FER: variants seen among roughly 807,000 people sequenced by gnomAD.
FER encodes the protein FER tyrosine kinase.
Under a neutral mutation model 111.0 loss-of-function variants are expected in FER, and 63 were observed. The ratio of observed to expected loss-of-function variants is 0.57; its 90% CI spans 0.46 to 0.70. The LOEUF is 0.70. FER is among the 30% of genes least tolerant of loss of function. The probability of loss-of-function intolerance (pLI) is 0.00; values close to 1 mark genes in which losing one functional copy is unlikely to be tolerated. For synonymous variants in FER, 327 were observed against 313.9 expected, an observed-to-expected ratio of 1.04 and a Z score of -0.44; for missense variants, 914 against 954.0, an observed-to-expected ratio of 0.96 and a Z score of 0.55.
chr5:109,051,284 A>T (rs2416195), intron 16 of FER: 440,346 of 1,377,546 alleles, frequency 0.32, 74,428 homozygotes, highest in African/African-American at 0.54. Flanking sequence ...CACAAGTGAG[A>T]GGAATCTTGA....
chr5:109,143,723 T>TTTTG (rs370029817), intron 17 of FER, among the ~76,000 whole-genome samples: 34,799 of 151,372 alleles, frequency 0.23, 4,178 homozygotes, highest in Non-Finnish European at 0.25. Flanking sequence ...GTTTTGTTTT[T>TTTTG]TTTTGAAAGT....
chr5:108,846,582 T>G (rs1762048409), intron 5 of FER, among the ~76,000 whole-genome samples: 1 of 152,026 alleles, frequency 6.6e-6, no homozygotes, highest in Non-Finnish European at 1.5e-5. Context: ...TTTATTTATA[T>G]ATTTTTTATT....
rs567229204 is a variant in FER, at chr5:109,072,194, T to A, written c.1924+24996T>A. On this transcript the variant is annotated intron_variant, in intron 16 of 19. Coordinates refer to ENST00000281092, the MANE Select transcript of FER (RefSeq NM_005246.4). ...TCTGCTTTCAGGCAGGCTTGATTTT[T>A]TTCTGTGCTACCTGAGTGCAATTAA... is the stretch of plus-strand genomic sequence containing the variant. Among the ~76,000 whole-genome samples, 7 of 151,830 alleles carry A rather than the reference T, an allele frequency of 4.6e-5. No homozygotes were observed. The South Asian group carries it at 1.5e-3, about 32-fold the overall frequency.
chr5:109,138,349 A>G (rs889176307), intron 17 of FER, among the ~76,000 whole-genome samples: 3 of 152,160 alleles, frequency 2.0e-5, no homozygotes, highest in Non-Finnish European at 2.9e-5. Context: ...ATGTTAGTCA[A>G]AGGACACAAA....
rs78782357 is a variant in FER, at chr5:109,019,156, G to A, written c.1657-18266G>A. On this transcript the variant is annotated intron_variant, in intron 13 of 19. Coordinates refer to ENST00000281092, the MANE Select transcript of FER (RefSeq NM_005246.4). The stretch of plus-strand genomic sequence containing the variant: ...CACATTTGATTAGATTTTGGTTTTG[G>A]ATTAAGAGATGGGCTCCAGTGTATG... 9.2e-3 allele frequency among the ~76,000 whole-genome samples: 1,401 copies of A among 151,630 alleles called. 21 individuals carry two copies. The highest frequency in any genetic ancestry group is 0.013 in the Non-Finnish European group (887 of 67,740).
At chr5:108,971,644 A>T (rs1013800395) in intron 13 of FER, among the ~76,000 whole-genome samples, 1 of 152,168 alleles carries the variant, frequency 6.6e-6, no homozygotes, top group Non-Finnish European at 1.5e-5. Flanking sequence ...CTTTAAATGT[A>T]GCCAAGGTTA....
intron 16 of FER, among the ~76,000 whole-genome samples, chr5:109,068,089 C>T (rs985857628): frequency 1.3e-5 from 2 of 149,324 alleles, no homozygotes; most frequent in Non-Finnish European, 2.9e-5. Flanking sequence ...CCAGAATACT[C>T]GATTATGGAG....
chr5:109,079,305 A>C (rs1332248010), intron 16 of FER, among the ~76,000 whole-genome samples: 1 of 152,080 alleles, frequency 6.6e-6, no homozygotes, highest in Admixed American at 6.6e-5. Context: ...GGTGGAGAAA[A>C]AACTTTCACA....
intron 1 of FER, among the ~76,000 whole-genome samples, chr5:108,750,756 CTA>C (rs1338305438): frequency 3.3e-5 from 5 of 152,330 alleles, no homozygotes; most frequent in African/African-American, 1.2e-4. Context: ...TTTTTCTCAA[CTA>C]TTTTACTATG....
In FER at chr5:109,188,901, A is replaced by G. The variant is rs535918148; in HGVS notation, c.*1326A>G. 4 of 151,228 alleles carry G rather than the reference A, an allele frequency of 2.6e-5. No homozygotes were observed. The highest frequency in any genetic ancestry group is 9.7e-5 in the African/African-American group (4 of 41,188). 9.4% of individuals were successfully genotyped at this position (151,228 alleles called of 1,614,324 possible). Reference sequence around the variant, plus strand: ...ATGATTCTAGTTCACCAACACATTCACGTGTGTACATGCGCGTGCACACAC... The same window carrying G: ...ATGATTCTAGTTCACCAACACATTCGCGTGTGTACATGCGCGTGCACACAC... On this transcript the variant is annotated 3_prime_UTR_variant, in exon 20 of 20. Transcript: ENST00000281092.
intron 9 of FER, among the ~76,000 whole-genome samples, chr5:108,886,109 C>A (rs1241287521): frequency 3.3e-5 from 5 of 151,766 alleles, no homozygotes; most frequent in African/African-American, 1.2e-4. Flanking sequence ...AAGTGCTAAC[C>A]ATTTCACCAG....
chr5:108,898,363 T>C (rs1490393442), intron 10 of FER, among the ~76,000 whole-genome samples: 2 of 152,124 alleles, frequency 1.3e-5, no homozygotes, highest in South Asian at 2.1e-4. Flanking sequence ...TATTTCATAG[T>C]TTTATTAACT....
At chr5:109,052,001 G>T (rs201683012) in intron 16 of FER, 45 of 1,583,200 alleles carry the variant, frequency 2.8e-5, no homozygotes, top group Non-Finnish European at 3.6e-5. Flanking sequence ...ATGTAGGTTC[G>T]CAGCAACCCC....
chr5:108,831,008 T>C (rs1580765723), intron 3 of FER, among the ~76,000 whole-genome samples: 1 of 151,934 alleles, frequency 6.6e-6, no homozygotes, highest in Admixed American at 6.6e-5. Context: ...GTTGACAGAG[T>C]GGCAATATAT....
intron 8 of FER, among the ~76,000 whole-genome samples, chr5:108,881,535 A>G (rs1191356984): frequency 2.0e-5 from 3 of 152,134 alleles, no homozygotes; most frequent in Non-Finnish European, 4.4e-5. Context: ...GACACAGCCA[A>G]ACCATATCAG....
rs752121970 is a variant in FER, at chr5:108,754,658, A to G, written c.-206+6658A>G. Among the ~76,000 whole-genome samples, 46 of 152,316 alleles carry G rather than the reference A, an allele frequency of 3.0e-4. 2 individuals are homozygous for G. The Middle Eastern group carries it at 0.01, about 34-fold the overall frequency. On this transcript the variant is annotated intron_variant, in intron 1 of 19. Coordinates refer to ENST00000281092, the MANE Select transcript of FER (RefSeq NM_005246.4). Reference sequence around the variant, plus strand: ...GAACATGTAAAAATATTTAGGTAACAGTACCTCAGTCTGTATTGTGACTGG... The same window carrying G: ...GAACATGTAAAAATATTTAGGTAACGGTACCTCAGTCTGTATTGTGACTGG...
At chr5:108,799,358 C>T (rs1010194642) in intron 3 of FER, among the ~76,000 whole-genome samples, 5 of 152,108 alleles carry the variant, frequency 3.3e-5, no homozygotes, top group African/African-American at 1.2e-4. Flanking sequence ...AAAAATTAAT[C>T]TTCTTTCACT....
At chr5:108,752,594 A>G (rs529553032) in intron 1 of FER, among the ~76,000 whole-genome samples, 200 of 152,188 alleles carry the variant, frequency 1.3e-3, no homozygotes, top group African/African-American at 4.3e-3. Context: ...TTCTGTAAGT[A>G]TAAATATTTT....
chr5:108,883,616 A>C, intron 9 of FER, 98 bp downstream of exon 9: 1 of 1,081,882 alleles, frequency 9.2e-7, no homozygotes, highest in Non-Finnish European at 1.2e-6. Flanking sequence ...ATTTCTAGAA[A>C]CAGAAACTTT....
Sources: allele counts gnomAD v4.1 joint callset (sites outside exome capture counted in the v4.1 genomes callset), GRCh38; gene constraint gnomAD v4.1.1; transcripts MANE v1.5; gene names NCBI Gene and HGNC (gene_info 2026-07-23, HGNC 2026-07-21).